The following NRG1 variants were observed in gnomAD, a reference collection of about 807,000 sequenced individuals.
NRG1 encodes the protein pro-neuregulin-1, membrane-bound isoform.
Under a neutral mutation model 63.8 loss-of-function variants are expected in NRG1, and 18 were observed. The observed-to-expected ratio is 0.28, with a 90% confidence interval of 0.19 to 0.42. The LOEUF (loss-of-function observed/expected upper bound fraction) is 0.42, where lower values mean the gene tolerates loss of function less well. Ranked by LOEUF, NRG1 falls within the 10% of genes least tolerant of loss-of-function variation. The pLI is 1.00. For missense variants in NRG1, 762 were observed against 814.7 expected (o/e 0.94, Z 0.79); for synonymous variants, 302 against 301.3 (o/e 1.00, Z -0.02).
intron 1 of NRG1, among the ~76,000 whole-genome samples, chr8:32,592,208 C>T (rs2129536513): frequency 6.6e-6 from 1 of 151,954 alleles, no homozygotes; most frequent in East Asian, 1.9e-4. Flanking sequence ...GACATTTCAC[C>T]CCTAAATGCT....
At chr8:32,414,479 T>A (rs1222139398) in intron 1 of NRG1, among the ~76,000 whole-genome samples, 2 of 152,242 alleles carry the variant, frequency 1.3e-5, no homozygotes, top group East Asian at 3.8e-4. Context: ...CTTTGCATAG[T>A]CACTATCTTA....
intron 1 of NRG1, among the ~76,000 whole-genome samples, chr8:32,388,822 T>TG (rs1311947512): frequency 6.6e-6 from 1 of 152,152 alleles, no homozygotes; most frequent in Admixed American, 6.5e-5. Context: ...AAAGTTTTTT[T>TG]TGGGGGGGAA....
At chr8:31,675,790 TG>T (rs1346408432) in intron 1 of NRG1, among the ~76,000 whole-genome samples, 1 of 152,208 alleles carries the variant, frequency 6.6e-6, no homozygotes. Context: ...TGATCACATT[TG>T]GTCCTCCCAT....
chr8:31,992,171 A>G (rs887716250), intron 1 of NRG1, among the ~76,000 whole-genome samples: 5 of 148,332 alleles, frequency 3.4e-5, no homozygotes, highest in South Asian at 2.1e-4. Context: ...CCCATCTCTT[A>G]AAAAAAAATA....
chr8:32,567,956 G>C (rs1424858912), intron 1 of NRG1, among the ~76,000 whole-genome samples: 1 of 152,210 alleles, frequency 6.6e-6, no homozygotes, highest in Non-Finnish European at 1.5e-5. Flanking sequence ...CAGAATGCAG[G>C]GAAGTGACTG....
At position 31,640,614 on chromosome 8, in the gene NRG1, G is replaced by T. The variant is rs377417235; in HGVS notation, c.37+1183G>T. ...ACAGCAGGTACATCTTCTTCATGGA[G>T]CCCGACGCCAACAGCACCAGCCGCG... is the stretch of plus-strand genomic sequence containing the variant. On this transcript the variant is annotated intron_variant, in intron 1 of 10. Coordinates refer to the NRG1 transcript ENST00000519301. This position sits in a 1 kb window ranked among gnomAD's most constrained non-coding sequence, Gnocchi z 6.3. 1.4e-5 allele frequency: 22 copies of T among 1,611,798 alleles called. No individual in the cohort carries two copies. Among genetic ancestry groups the T allele is most frequent in the Non-Finnish European group, 1.9e-5 (22 of 1,179,572 alleles).
intron 1 of NRG1, among the ~76,000 whole-genome samples, chr8:31,844,744 T>A (rs1330332134): frequency 6.6e-6 from 1 of 152,062 alleles, no homozygotes; most frequent in African/African-American, 2.4e-5. Flanking sequence ...GTCATATTTT[T>A]AAAAATGCCT....
intron 10 of NRG1, 35 bp from the exon 11 acceptor site, chr8:32,760,165 G>C (rs374693334): frequency 9.4e-5 from 151 of 1,609,332 alleles, no homozygotes; most frequent in Non-Finnish European, 1.2e-4. Context: ...ATTTTTGCAC[G>C]AAATATCTGA....
At chr8:32,638,904 G>A (rs1292106191) in intron 5 of NRG1, among the ~76,000 whole-genome samples, 8 of 152,074 alleles carry the variant, frequency 5.3e-5, no homozygotes, top group South Asian at 2.1e-4. Context: ...ATGACCTTAC[G>A]GTAGTGTTGC....
At chr8:32,536,817 G>A (rs978257720) in intron 1 of NRG1, among the ~76,000 whole-genome samples, 9 of 150,902 alleles carry the variant, frequency 6.0e-5, no homozygotes, top group Middle Eastern at 3.5e-3. Flanking sequence ...CCAGCTACTC[G>A]GGAGGCTGAG....
chr8:32,563,607 C>T (rs12679578), intron 1 of NRG1, among the ~76,000 whole-genome samples: 30,346 of 152,140 alleles, frequency 0.2, 3,856 homozygotes, highest in Admixed American at 0.33. Context: ...TGGGATTTAA[C>T]CTCTGCTGAG....
At chr8:32,197,215 G>A (rs932665846) in intron 1 of NRG1, among the ~76,000 whole-genome samples, 1 of 151,852 alleles carries the variant, frequency 6.6e-6, no homozygotes, top group African/African-American at 2.4e-5. Flanking sequence ...GCCCGCCTCG[G>A]CCTCCCAAAG....
intron 5 of NRG1, among the ~76,000 whole-genome samples, chr8:32,671,275 C>A (rs1490940625): frequency 6.6e-6 from 1 of 152,128 alleles, no homozygotes; most frequent in Non-Finnish European, 1.5e-5. Flanking sequence ...TCCTCCTCAT[C>A]ATATTACAAC....
intron 1 of NRG1, among the ~76,000 whole-genome samples, chr8:31,643,998 A>G (rs13282597): frequency 0.097 from 14,713 of 152,272 alleles, 859 homozygotes; most frequent in Middle Eastern, 0.15. Flanking sequence ...TAATGTAAAC[A>G]TCTTTATCAA....
intron 1 of NRG1, among the ~76,000 whole-genome samples, chr8:31,948,066 A>G (rs1296398776): frequency 6.6e-6 from 1 of 151,998 alleles, no homozygotes; most frequent in Non-Finnish European, 1.5e-5. Context: ...AACAACTGGA[A>G]TGTGTGTGTG....
At chr8:32,563,824 C>A (rs576473166) in intron 1 of NRG1, among the ~76,000 whole-genome samples, 3 of 152,020 alleles carry the variant, frequency 2.0e-5, no homozygotes, top group Non-Finnish European at 4.4e-5. Context: ...CTTTTTCAAC[C>A]TTGTTGATCA....
At chr8:31,732,185 C>T (rs1472659168) in intron 1 of NRG1, among the ~76,000 whole-genome samples, 1 of 152,106 alleles carries the variant, frequency 6.6e-6, no homozygotes, top group Non-Finnish European at 1.5e-5. Context: ...GGGTTCGTTC[C>T]AGTTCATTGA....
At chr8:31,939,101 G>T (rs1244259361) in intron 1 of NRG1, among the ~76,000 whole-genome samples, 2 of 152,104 alleles carry the variant, frequency 1.3e-5, no homozygotes, top group Non-Finnish European at 2.9e-5. Context: ...CATTGGCTTG[G>T]CACACAGTCA....
At chr8:32,112,806 AG>A (rs1412668348) in intron 1 of NRG1, among the ~76,000 whole-genome samples, 1 of 152,138 alleles carries the variant, frequency 6.6e-6, no homozygotes, top group East Asian at 1.9e-4. Flanking sequence ...GGGGGATGAA[AG>A]GGACCCATGG....
Sources: allele counts gnomAD v4.1 joint callset (sites outside exome capture counted in the v4.1 genomes callset), GRCh38; gene constraint gnomAD v4.1.1; non-coding constraint Gnocchi (gnomAD v3.1); transcripts MANE v1.5; gene names NCBI Gene and HGNC (gene_info 2026-07-23, HGNC 2026-07-21).